CACNA1C: variants seen among roughly 807,000 people sequenced by gnomAD.
CACNA1C encodes voltage-dependent L-type calcium channel subunit alpha-1C.
Under a neutral mutation model 229.0 loss-of-function variants are expected in CACNA1C, and 30 were observed. The ratio of observed to expected loss-of-function variants is 0.13; its 90% CI spans 0.10 to 0.18. The LOEUF is 0.18. Ranked by LOEUF, CACNA1C falls within the 10% of genes least tolerant of loss-of-function variation. CACNA1C has a pLI of 1.00. For missense variants in CACNA1C, 1,658 were observed against 2,845.0 expected (o/e 0.58, Z 9.49); for synonymous variants, 1,114 against 1,132.5 (o/e 0.98, Z 0.33).
intron 3 of CACNA1C, among the ~76,000 whole-genome samples, chr12:2,178,488 G>A (rs1033879358): frequency 6.6e-6 from 1 of 152,224 alleles, no homozygotes; most frequent in African/African-American, 2.4e-5. Context: ...CTGAGCAGGA[G>A]TCTAAGCAGT....
chr12:2,600,242 T>C (rs910554724), intron 21 of CACNA1C, among the ~76,000 whole-genome samples: 2 of 152,196 alleles, frequency 1.3e-5, no homozygotes, highest in Admixed American at 1.3e-4. Flanking sequence ...GGCTTCCAGA[T>C]GGTGGGCCTT....
chr12:2,148,054 C>T (rs1193152786), intron 3 of CACNA1C, among the ~76,000 whole-genome samples: 4 of 151,110 alleles, frequency 2.6e-5, no homozygotes, highest in Non-Finnish European at 5.9e-5. Context: ...TAAAACCTGT[C>T]AAATTTTTCA....
chr12:2,668,817 C>A, intron 37 of CACNA1C, 116 bp from the exon 38 acceptor site: 1 of 706,720 alleles, frequency 1.4e-6, no homozygotes, highest in South Asian at 1.6e-5. Flanking sequence ...GATTACAATT[C>A]AACATGAGAT....
intron 5 of CACNA1C, among the ~76,000 whole-genome samples, chr12:2,458,410 G>T (rs1371105132): frequency 6.6e-6 from 1 of 152,232 alleles, no homozygotes; most frequent in Admixed American, 6.5e-5. Flanking sequence ...ACTGAACACA[G>T]TGGCTTCAGG....
chr12:2,009,515 G>T (rs1376559954), intron 1 of CACNA1C, among the ~76,000 whole-genome samples: 1 of 152,162 alleles, frequency 6.6e-6, no homozygotes, highest in African/African-American at 2.4e-5. Flanking sequence ...TCTAAGTCTG[G>T]CATTTGTCCT....
In CACNA1C at chr12:2,651,917, T is replaced by G; in HGVS notation, c.4074+149T>G. On this transcript the variant is annotated intron_variant, in intron 32 of 46. Coordinates refer to ENST00000399655, the MANE Select transcript of CACNA1C (RefSeq NM_000719.7). This position sits in a 1 kb window ranked among gnomAD's most constrained non-coding sequence, Gnocchi z 5.4. The stretch of plus-strand genomic sequence containing the variant: ...TCGGCCGCTCTGCCTGGCTCCCTGT[T>G]TCCGCACCGAGAGGCCTAGACGAAG... 1.6e-6 allele frequency: 1 copy of G among 642,212 alleles called. No homozygotes were observed. Among genetic ancestry groups the G allele is most frequent in the Non-Finnish European group, 2.6e-6 (1 of 385,936 alleles). 39.8% of individuals were successfully genotyped at this position (642,212 alleles called of 1,614,324 possible).
At chr12:2,103,712 CTTAAGT>C (rs1047566674) in intron 1 of CACNA1C, among the ~76,000 whole-genome samples, 20 of 152,242 alleles carry the variant, frequency 1.3e-4, no homozygotes, top group African/African-American at 4.6e-4. Flanking sequence ...GGTTTTAGGT[CTTAAGT>C]TTAAGTCTTT....
At chr12:1,993,080 T>C in intron 1 of CACNA1C, 1 of 826,048 alleles carries the variant, frequency 1.2e-6, no homozygotes, top group South Asian at 1.4e-5. Flanking sequence ...ACTTAAACTC[T>C]TCCAAGGAAG....
chr12:2,336,037 A>C (rs866085129), intron 3 of CACNA1C, among the ~76,000 whole-genome samples: 33 of 151,886 alleles, frequency 2.2e-4, no homozygotes, highest in African/African-American at 4.6e-4. Flanking sequence ...AAAAAAAAAA[A>C]AAACAAACCC....
At chr12:2,448,095 G>A (rs574311168) in intron 3 of CACNA1C, among the ~76,000 whole-genome samples, 1 of 152,360 alleles carries the variant, frequency 6.6e-6, no homozygotes, top group South Asian at 2.1e-4. Context: ...AATTAGTGGC[G>A]AGGGACGTGC....
intron 30 of CACNA1C, among the ~76,000 whole-genome samples, chr12:2,642,505 T>C (rs1393263907): frequency 6.6e-6 from 1 of 152,172 alleles, no homozygotes; most frequent in Admixed American, 6.5e-5. Context: ...GAGCTGGTAG[T>C]GAGGAGACAC....
chr12:2,067,992 G>A lies in CACNA1C; in HGVS notation c.49+14381G>A, dbSNP rs1234106956. ...AATTATATCAGAATATCAAATTCCT[G>A]AGAACAGAACATTTTGTTATTTTTT... On this transcript the variant is annotated intron_variant, in intron 1 of 46. Coordinates refer to ENST00000399655, the MANE Select transcript of CACNA1C (RefSeq NM_000719.7). This position sits in a 1 kb window ranked among gnomAD's most constrained non-coding sequence, Gnocchi z 5.3. Among the ~76,000 whole-genome samples the A allele has an allele frequency of 2.0e-5, 3 of 152,120 alleles. No homozygotes were observed. Among genetic ancestry groups the A allele is most frequent in the Non-Finnish European group, 4.4e-5 (3 of 68,030 alleles).
At chr12:2,449,161 C>G in intron 4 of CACNA1C, 46 bp downstream of exon 4, 1 of 1,413,974 alleles carries the variant, frequency 7.1e-7, no homozygotes, top group African/African-American at 1.5e-5. Context: ...ACCAGTGTTG[C>G]GGGACTTTTC....
chr12:2,582,641 G>T (rs899454555), intron 14 of CACNA1C, among the ~76,000 whole-genome samples, 181 bp from the exon 15 acceptor site: 1 of 152,184 alleles, frequency 6.6e-6, no homozygotes, highest in African/African-American at 2.4e-5. Context: ...CAGGCATTTT[G>T]TCTAAGGACA....
At chr12:2,513,832 A>G (rs2099790351) in intron 9 of CACNA1C, among the ~76,000 whole-genome samples, 1 of 152,312 alleles carries the variant, frequency 6.6e-6, no homozygotes, top group Non-Finnish European at 1.5e-5. Context: ...AATGGGGCCC[A>G]GGAATCTCTG....
At chr12:2,191,283 G>T (rs548100137) in intron 3 of CACNA1C, among the ~76,000 whole-genome samples, 47 of 152,096 alleles carry the variant, frequency 3.1e-4, no homozygotes, top group Non-Finnish European at 6.5e-4. Context: ...AGACTGAAGC[G>T]CCGGCCCACA....
intron 3 of CACNA1C, among the ~76,000 whole-genome samples, chr12:2,125,640 G>A (rs2089701719): frequency 6.6e-6 from 1 of 152,138 alleles, no homozygotes; most frequent in African/African-American, 2.4e-5. Context: ...CCCAGGCCCT[G>A]CTCCCAGAGA....
chr12:2,246,563 T>G (rs1055012356), intron 3 of CACNA1C, among the ~76,000 whole-genome samples: 1 of 152,082 alleles, frequency 6.6e-6, no homozygotes, highest in African/African-American at 2.4e-5. Context: ...CTCTGTGCAA[T>G]TCATACCGTT....
chr12:2,615,967 C>T (rs749915784), intron 29 of CACNA1C, among the ~76,000 whole-genome samples: 4 of 152,206 alleles, frequency 2.6e-5, no homozygotes, highest in Non-Finnish European at 4.4e-5. Flanking sequence ...CCACCTGGGC[C>T]GCAGAGGGGT....
Sources: gnomAD v4.1 joint callset for allele counts (sites outside exome capture counted in the v4.1 genomes callset) on GRCh38, gnomAD v4.1.1 for gene constraint, Gnocchi (gnomAD v3.1) non-coding constraint, MANE v1.5 for transcripts, NCBI Gene and HGNC (gene_info 2026-07-23, HGNC 2026-07-21) for gene names.